P4HTM: variants seen among roughly 807,000 people sequenced by gnomAD.
P4HTM encodes transmembrane prolyl 4-hydroxylase.
Under a neutral mutation model 55.3 loss-of-function variants are expected in P4HTM, and 33 were observed. The observed-to-expected ratio is 0.60, with a 90% confidence interval of 0.45 to 0.80. The LOEUF is 0.80. Among genes scored for constraint, P4HTM ranks in the 30% least tolerant of loss-of-function variants. P4HTM has a pLI of 0.00. For missense variants in P4HTM, 542 were observed against 696.5 expected, an observed-to-expected ratio of 0.78 and a Z score of 2.50; for synonymous variants, 272 against 286.4, an observed-to-expected ratio of 0.95 and a Z score of 0.51.
chr3:48,990,652 G>A lies in P4HTM; in HGVS notation c.354+42G>A, dbSNP rs2092928335. 2 of 1,500,408 alleles carry A rather than the reference G, an allele frequency of 1.3e-6. No homozygotes were observed. The highest frequency in any genetic ancestry group is 1.4e-5 in the African/African-American group (1 of 71,324). The allele number at this position is 1,500,408 out of a possible 1,614,324, so 92.9% of individuals were successfully genotyped here. On this transcript the variant is annotated intron_variant, in intron 1 of 8. Transcript: ENST00000383729. The surrounding 1 kb of genome is among the most constrained non-coding windows in gnomAD (Gnocchi z 7.2). ...CCCGCCGCGCTCCAGGCCCTGCACGGCTGAGCCCGAGAGGACCGGCGCTCA... is the reference window on the plus strand; with the variant it reads ...CCCGCCGCGCTCCAGGCCCTGCACGACTGAGCCCGAGAGGACCGGCGCTCA...
Position 48,990,340 on chromosome 3 carries a change from C to G in P4HTM, c.84C>G (p.Asp28Glu). ...EASRPQWAPP[D>E]HCQAQAAAGL... ...CGAGGCCGCAGTGGGCGCCGCCAGA[C>G]CACTGCCAGGCTCAGGCGGCGGCCG... The change falls in exon 1 of 9, where the codon GAC becomes GAG. Residue 28 changes from aspartate (D) to glutamate (E), a missense_variant. Asp to Glu is a conservative substitution (Grantham distance 45). Transcript: ENST00000383729. This position sits in a 1 kb window ranked among gnomAD's most constrained non-coding sequence, Gnocchi z 7.2. 6.6e-7 allele frequency: 1 copy of G among 1,524,632 alleles called. No individual in the cohort carries two copies. The highest frequency in any genetic ancestry group is 1.2e-5 in the South Asian group (1 of 83,028). The allele number at this position is 1,524,632 out of a possible 1,614,324, so 94.4% of individuals were successfully genotyped here.
At chr3:49,005,514 G>T in intron 6 of P4HTM, 1 of 1,341,806 alleles carries the variant, frequency 7.5e-7, no homozygotes, top group Non-Finnish European at 9.5e-7. Context: ...ACCTTTCCCT[G>T]CCAGGCCCTT....
chr3:48,990,096 G>T (rs1576601187), upstream of P4HTM: 2 of 578,740 alleles, frequency 3.5e-6, no homozygotes, highest in Non-Finnish European at 4.5e-6. This position sits in a 1 kb window ranked among gnomAD's most constrained non-coding sequence, Gnocchi z 7.2. Context: ...GGAAGGCCGA[G>T]CCCGGCGCGG....
intron 3 of P4HTM, among the ~76,000 whole-genome samples, chr3:49,001,944 G>T (rs1346706413): frequency 2.0e-5 from 3 of 152,250 alleles, no homozygotes; most frequent in East Asian, 3.8e-4. Context: ...GGTGGATGGG[G>T]TGGCAGCTCT....
At position 49,002,427 on chromosome 3, in the gene P4HTM, G is replaced by C. The variant is rs2092963707; in HGVS notation, c.628-73G>C. ...ACCTGAACACTTTGCTCCACAACAA[G>C]CACTGGGCCATCTGTTCTCTGCTGG... On this transcript the variant is annotated intron_variant, in intron 3 of 8. Coordinates refer to ENST00000383729, the MANE Select transcript of P4HTM (RefSeq NM_177939.3). This position sits in a 1 kb window ranked among gnomAD's most constrained non-coding sequence, Gnocchi z 4.4. 9.1e-7 allele frequency: 1 copy of C among 1,096,946 alleles called. No homozygotes were observed. The highest frequency in any genetic ancestry group is 1.3e-5 in the South Asian group (1 of 75,584). The allele number at this position is 1,096,946 out of a possible 1,614,324, so 68.0% of individuals were successfully genotyped here.
In P4HTM at chr3:49,006,213, G is replaced by C. The variant is rs765142473; in HGVS notation, c.1288+26G>C. 5 of 1,600,222 alleles carry C rather than the reference G, an allele frequency of 3.1e-6. No homozygotes were observed. In the South Asian group the frequency reaches 5.5e-5, roughly 18 times the overall value. ...GTGAGGGCCTATGGCCAGGCCTGGG[G>C]GGGGTGCCCTGAGTACAGCTTCCCT... On this transcript the variant is annotated intron_variant, in intron 8 of 8. Transcript: ENST00000383729.
intron 2 of P4HTM, among the ~76,000 whole-genome samples, chr3:48,996,826 G>A (rs1020135597): frequency 6.6e-6 from 1 of 152,184 alleles, no homozygotes; most frequent in Admixed American, 6.5e-5. Flanking sequence ...GGTGAGCATA[G>A]CCCAAGGCTA....
chr3:49,005,115 C>A (rs1422601029), intron 6 of P4HTM, 69 bp downstream of exon 6: 1 of 1,613,162 alleles, frequency 6.2e-7, no homozygotes, highest in East Asian at 2.2e-5. Context: ...CAGGCACAGC[C>A]CTGCACTGTG....
At chr3:48,998,589 A>G (rs2092952818) in intron 2 of P4HTM, among the ~76,000 whole-genome samples, 1 of 152,092 alleles carries the variant, frequency 6.6e-6, no homozygotes, top group Non-Finnish European at 1.5e-5. Context: ...CCAGCTTTCC[A>G]GTGCACCTCT....
chr3:49,006,947 T>C lies in P4HTM; in HGVS notation c.*40T>C, dbSNP rs2092985554. The C allele has an allele frequency of 6.6e-7, 1 of 1,526,370 alleles. No homozygotes were observed. The highest frequency in any genetic ancestry group is 1.8e-5 in the Admixed American group (1 of 55,796). 94.6% of individuals were successfully genotyped at this position (1,526,370 alleles called of 1,614,324 possible). A position where few individuals can be genotyped will look rare whatever the true frequency, so the allele number is the denominator to read the frequency against. ...CCGGTTCCCAGCCGCGGGTCGCCAGTTGCCCAAGATCAGGGGTCCGGCTGT... is the reference window on the plus strand; with the variant it reads ...CCGGTTCCCAGCCGCGGGTCGCCAGCTGCCCAAGATCAGGGGTCCGGCTGT... On this transcript the variant is annotated 3_prime_UTR_variant, in exon 9 of 9. Transcript: ENST00000383729.
chr3:48,990,683 G>C lies in P4HTM; in HGVS notation c.354+73G>C. 1 of 1,471,122 alleles carries C rather than the reference G, an allele frequency of 6.8e-7. No homozygotes were observed. Among genetic ancestry groups the C allele is most frequent in the Non-Finnish European group, 9.0e-7 (1 of 1,107,606 alleles). The allele number at this position is 1,471,122 out of a possible 1,614,324, so 91.1% of individuals were successfully genotyped here. A position where few individuals can be genotyped will look rare whatever the true frequency, so the allele number is the denominator to read the frequency against. On this transcript the variant is annotated intron_variant, in intron 1 of 8. Transcript: ENST00000383729. The surrounding 1 kb of genome is among the most constrained non-coding windows in gnomAD (Gnocchi z 7.2). ...CCCGAGAGGACCGGCGCTCAGCCCG[G>C]GTCCCCACGCTGCCCCCGGCGCTGC...
At position 48,990,787 on chromosome 3, in the gene P4HTM, A is replaced by G; in HGVS notation, c.355-46A>G. Reference sequence around the variant, plus strand: ...CGGGGCGACTTGGCCCTTCTTGGGCAGCGCGGTCTGGCGCCCCAGCTGCCC... The same window carrying G: ...CGGGGCGACTTGGCCCTTCTTGGGCGGCGCGGTCTGGCGCCCCAGCTGCCC... On this transcript the variant is annotated intron_variant, in intron 1 of 8. Coordinates refer to ENST00000383729, the MANE Select transcript of P4HTM (RefSeq NM_177939.3). The surrounding 1 kb of genome is among the most constrained non-coding windows in gnomAD (Gnocchi z 7.2). 6.3e-7 allele frequency: 1 copy of G among 1,581,388 alleles called. No homozygotes were observed. Among genetic ancestry groups the G allele is most frequent in the Non-Finnish European group, 8.7e-7 (1 of 1,152,744 alleles).
intron 2 of P4HTM, among the ~76,000 whole-genome samples, chr3:48,992,560 C>G (rs1426518835): frequency 1.3e-5 from 2 of 149,046 alleles, no homozygotes; most frequent in East Asian, 2.0e-4. Context: ...GAGCCAAGAT[C>G]GCACCACTGC....
Position 49,006,767 on chromosome 3 carries a change from T to A in P4HTM, c.1369T>A (p.Trp457Arg). The change falls in exon 9 of 9, where the codon TGG (tryptophan) becomes AGG (arginine). Residue 457 changes from tryptophan to arginine, a missense_variant. By Grantham distance (101) the Trp-to-Arg change is moderately radical (BLOSUM62 -3). This residue lies in a region of P4HTM where 536 missense variants were observed against 672.1 expected (regional missense o/e 0.80). Coordinates refer to ENST00000383729, the MANE Select transcript of P4HTM (RefSeq NM_177939.3). Reference protein sequence around the residue: ...TRGTKWIANNWINVDPSRARQ... With the variant: ...TRGTKWIANNRINVDPSRARQ... ...CGGCACCAAGTGGATTGCCAACAACTGGATTAATGTGGACCCCAGCCGAGC... is the reference window on the plus strand; with the variant it reads ...CGGCACCAAGTGGATTGCCAACAACAGGATTAATGTGGACCCCAGCCGAGC... The A allele has an allele frequency of 6.2e-7, 1 of 1,613,620 alleles. No individual in the cohort carries two copies. The highest frequency in any genetic ancestry group is 8.5e-7 in the Non-Finnish European group (1 of 1,180,026).
chr3:48,990,156 T>C (rs916343700), upstream of P4HTM: 2 of 1,040,902 alleles, frequency 1.9e-6, no homozygotes, highest in Non-Finnish European at 2.3e-6. This position sits in a 1 kb window ranked among gnomAD's most constrained non-coding sequence, Gnocchi z 7.2. Flanking sequence ...CGTCTCCTAG[T>C]GACCGCGGCG....
intron 5 of P4HTM, chr3:49,004,555 A>C: frequency 1.8e-6 from 1 of 553,336 alleles, no homozygotes; most frequent in Non-Finnish European, 3.2e-6. Flanking sequence ...CACAGCAGGA[A>C]AAGGGTTTTT....
intron 8 of P4HTM, 152 bp from the exon 9 acceptor site, chr3:49,006,535 C>T (rs1428566877): frequency 6.0e-6 from 4 of 670,724 alleles, no homozygotes; most frequent in Non-Finnish European, 1.0e-5. Context: ...CATTAGTGGG[C>T]TGAGATGAGG....
In P4HTM at chr3:49,006,059, C is replaced by T. The variant is rs1296891568; in HGVS notation, c.1165-5C>T. The T allele has an allele frequency of 3.7e-6, 6 of 1,610,724 alleles. No homozygotes were observed. Among genetic ancestry groups the T allele is most frequent in the Middle Eastern group, 1.6e-4 (1 of 6,074 alleles). ...TTGAACACCCCACCACCCTGCTGCC[C>T]ACAGAGTCTGATTCAGGATGACGTG... On this transcript the variant is annotated splice_region_variant and splice_polypyrimidine_tract_variant and intron_variant, in intron 7 of 8. Coordinates refer to ENST00000383729, the MANE Select transcript of P4HTM (RefSeq NM_177939.3).
intron 2 of P4HTM, among the ~76,000 whole-genome samples, chr3:48,993,554 C>T (rs1043303640): frequency 1.3e-5 from 2 of 151,740 alleles, no homozygotes; most frequent in Non-Finnish European, 2.9e-5. Flanking sequence ...CCCTAATAAA[C>T]AGCTTGTCCT....
Sources: allele counts gnomAD v4.1 joint callset (sites outside exome capture counted in the v4.1 genomes callset), GRCh38; gene constraint gnomAD v4.1.1; regional missense constraint gnomAD v4.1.1; non-coding constraint Gnocchi (gnomAD v3.1); transcripts MANE v1.5; gene names NCBI Gene and HGNC (gene_info 2026-07-23, HGNC 2026-07-21).